Variants in USP15 observed in about 807,000 individuals in gnomAD.
The protein encoded by USP15 is ubiquitin specific peptidase 15, also known as ubiquitin carboxyl-terminal hydrolase 15.
A neutral mutation model predicts 127.1 loss-of-function variants in USP15; 18 were observed. That is an observed-to-expected ratio of 0.14 (90% CI 0.10 to 0.21). USP15 has a LOEUF of 0.21. Ranked by LOEUF, USP15 falls within the 10% of genes least tolerant of loss-of-function variation. The probability of loss-of-function intolerance (pLI) is 1.00; values close to 1 mark genes in which losing one functional copy is unlikely to be tolerated. For synonymous variants in USP15, 364 were observed against 393.7 expected, an observed-to-expected ratio of 0.92 and a Z score of 0.89; for missense variants, 805 against 1,159.9, an observed-to-expected ratio of 0.69 and a Z score of 4.44.
At chr12:62,307,466 T>C (rs971997514) in intron 3 of USP15, among the ~76,000 whole-genome samples, 4 of 152,156 alleles carry the variant, frequency 2.6e-5, no homozygotes, top group African/African-American at 9.7e-5. Flanking sequence ...AAGGCTATGT[T>C]CTGTGTGCTT....
rs185624088 is a variant in USP15, at chr12:62,312,197, G to T, written c.349-2593G>T. ...TGAAGCTAGCTCTACAAAAGAGTAA[G>T]TCAGTCTGTTAGAGGCCTGGTATTA... On this transcript the variant is annotated intron_variant, in intron 3 of 21. Transcript: ENST00000280377. 2.9e-5 allele frequency: 5 copies of T among 175,206 alleles called. No individual in the cohort carries two copies. In the East Asian group the frequency reaches 8.4e-4, roughly 30 times the overall value. The allele number at this position is 175,206 out of a possible 1,614,324, so 10.9% of individuals were successfully genotyped here. A position where few individuals can be genotyped will look rare whatever the true frequency, so the allele number is the denominator to read the frequency against.
At chr12:62,388,531 T>C (rs1369201177) in intron 11 of USP15, among the ~76,000 whole-genome samples, 1 of 152,224 alleles carries the variant, frequency 6.6e-6, no homozygotes, top group Non-Finnish European at 1.5e-5. Context: ...TCAATTGATA[T>C]TGGGCACTGT....
intron 3 of USP15, among the ~76,000 whole-genome samples, chr12:62,310,880 G>A (rs957757875): frequency 6.6e-6 from 1 of 151,830 alleles, no homozygotes; most frequent in South Asian, 2.1e-4. Flanking sequence ...CCGCATCTTC[G>A]CTAACATCTG....
intron 1 of USP15, among the ~76,000 whole-genome samples, chr12:62,269,358 G>T (rs1008984630): frequency 1.3e-5 from 2 of 150,792 alleles, no homozygotes; most frequent in Non-Finnish European, 2.9e-5. Flanking sequence ...ATATATATAT[G>T]TGTGTGTGTG....
chr12:62,274,929 C>T (rs192284981), intron 1 of USP15, among the ~76,000 whole-genome samples: 1 of 152,194 alleles, frequency 6.6e-6, no homozygotes, highest in African/African-American at 2.4e-5. Context: ...AAGCAGCTAT[C>T]ATAGTAATCT....
intron 7 of USP15, among the ~76,000 whole-genome samples, chr12:62,354,748 T>A (rs930097849): frequency 6.6e-6 from 1 of 151,962 alleles, no homozygotes; most frequent in Non-Finnish European, 1.5e-5. Context: ...TTGCGTGGAA[T>A]CATTTTTGCA....
At chr12:62,382,442 T>C (rs975998324) in intron 9 of USP15, among the ~76,000 whole-genome samples, 4 of 152,000 alleles carry the variant, frequency 2.6e-5, no homozygotes, top group African/African-American at 9.7e-5. Context: ...ATTAGCTATA[T>C]ACTAGTTCTT....
chr12:62,392,290 A>G lies in USP15; in HGVS notation c.2323A>G (p.Ser775Gly), dbSNP rs1422605496. 6.3e-7 allele frequency: 1 copy of G among 1,597,658 alleles called. No homozygotes were observed. The highest frequency in any genetic ancestry group is 1.8e-5 in the Admixed American group (1 of 55,726). ...NAAEDFEKHE[S>G]VEYKPPKKPF... Reference sequence around the variant, plus strand: ...TCTTTAGGACTTTGAAAAACATGAAAGTGTGGAGTATAAACCTCCTAAAAA... The same window carrying G: ...TCTTTAGGACTTTGAAAAACATGAAGGTGTGGAGTATAAACCTCCTAAAAA... Residue 775 changes from serine (S) to glycine (G), a missense_variant, in exon 18 of 22, where the codon AGT becomes GGT. By Grantham distance (56) the Ser-to-Gly change is moderately conservative (BLOSUM62 0). This residue lies in a region of USP15 where 225 missense variants were observed against 239.5 expected (regional missense o/e 0.94). Coordinates refer to ENST00000280377, the MANE Select transcript of USP15 (RefSeq NM_001252078.2).
chr12:62,316,763 T>C (rs1241635039), intron 4 of USP15, among the ~76,000 whole-genome samples: 1 of 152,118 alleles, frequency 6.6e-6, no homozygotes, highest in Non-Finnish European at 1.5e-5. Context: ...CAGCAACTGA[T>C]TTAATTTCTG....
intron 8 of USP15, among the ~76,000 whole-genome samples, chr12:62,374,218 C>T (rs2066757752): frequency 6.6e-6 from 1 of 151,902 alleles, no homozygotes; most frequent in Admixed American, 6.6e-5. Flanking sequence ...AAGAATGAAT[C>T]CCTTATTTTA....
In USP15 at chr12:62,413,084, A is replaced by G. The variant is rs185212475; in HGVS notation, c.*8709A>G. ...TAGCAGGCAGAAAAACACTAATCTC[A>G]TACATCTCCATAGAGCTCTTGGGTG... On this transcript the variant is annotated 3_prime_UTR_variant, in exon 22 of 22. Coordinates refer to ENST00000280377, the MANE Select transcript of USP15 (RefSeq NM_001252078.2). 1 of 152,278 alleles carries G rather than the reference A, an allele frequency of 6.6e-6. No homozygotes were observed. Among genetic ancestry groups the G allele is most frequent in the East Asian group, 1.9e-4 (1 of 5,176 alleles). The allele number at this position is 152,278 out of a possible 1,614,324, so 9.4% of individuals were successfully genotyped here.
chr12:62,278,091 T>C (rs1002769346), intron 1 of USP15, among the ~76,000 whole-genome samples: 3 of 152,190 alleles, frequency 2.0e-5, no homozygotes, highest in Non-Finnish European at 2.9e-5. Flanking sequence ...AAATTTTTTC[T>C]AATTAAAAAG....
In USP15 at chr12:62,348,015, A is replaced by T. The variant is rs895100923; in HGVS notation, c.684-1206A>T. Among the ~76,000 whole-genome samples the T allele has an allele frequency of 9.9e-5, 15 of 152,242 alleles. No homozygotes were observed. In the East Asian group the frequency reaches 2.7e-3, roughly 27 times the overall value. On this transcript the variant is annotated intron_variant, in intron 6 of 21. Coordinates refer to ENST00000280377, the MANE Select transcript of USP15 (RefSeq NM_001252078.2). The stretch of plus-strand genomic sequence containing the variant: ...CCAGGAGTTTGAGACTAGGCTGGGC[A>T]ATATGGTGAGATCTCTGTCTCTGCA...
At chr12:62,370,493 C>A (rs970611526) in intron 8 of USP15, among the ~76,000 whole-genome samples, 2 of 152,142 alleles carry the variant, frequency 1.3e-5, no homozygotes, top group Non-Finnish European at 2.9e-5. Context: ...CTGCCACTTA[C>A]AAGTTGTGTG....
intron 8 of USP15, among the ~76,000 whole-genome samples, chr12:62,362,442 C>T (rs1206720200): frequency 6.6e-6 from 1 of 152,158 alleles, no homozygotes; most frequent in African/African-American, 2.4e-5. Flanking sequence ...CACACTTACT[C>T]ATTCAATGTT....
chr12:62,302,853 C>T lies in USP15; in HGVS notation c.281C>T (p.Thr94Ile). The change falls in exon 3 of 22, where the codon ACT becomes ATT. Residue 94 changes from threonine (T) to isoleucine (I), a missense_variant. Physicochemically the swap from Thr to Ile is moderately conservative, Grantham distance 89. Coordinates refer to ENST00000280377, the MANE Select transcript of USP15 (RefSeq NM_001252078.2). Reference sequence around the variant, plus strand: ...GAATTGGATTACATACTGTTGCCAACTGAAGGTTGGAATAAACTTGTCAGC... The same window carrying T: ...GAATTGGATTACATACTGTTGCCAATTGAAGGTTGGAATAAACTTGTCAGC... ...IDELDYILLP[T>I]EGWNKLVSWY... 2 of 1,613,004 alleles carry T rather than the reference C, an allele frequency of 1.2e-6. No individual in the cohort carries two copies. The highest frequency in any genetic ancestry group is 1.7e-6 in the Non-Finnish European group (2 of 1,179,306).
chr12:62,295,877 G>A (rs1303036900), intron 2 of USP15, among the ~76,000 whole-genome samples: 1 of 152,222 alleles, frequency 6.6e-6, no homozygotes, highest in Non-Finnish European at 1.5e-5. Flanking sequence ...TCCCCTTTGA[G>A]TGTAGGTGAA....
At chr12:62,312,319 C>A in intron 3 of USP15, 1 of 340,052 alleles carries the variant, frequency 2.9e-6, no homozygotes, top group South Asian at 2.2e-5. Flanking sequence ...GGTAAAGTTT[C>A]CATGAAACTT....
In USP15 at chr12:62,291,759, A is replaced by G. The variant is rs547624611; in HGVS notation, c.90-2420A>G. On this transcript the variant is annotated intron_variant, in intron 1 of 21. Coordinates refer to ENST00000280377, the MANE Select transcript of USP15 (RefSeq NM_001252078.2). ...GTGCTTTTAGTGGCAAAGACTCTAT[A>G]TGAATTTCCTGGTTTTAGATAGCCT... is the stretch of plus-strand genomic sequence containing the variant. Among the ~76,000 whole-genome samples the G allele has an allele frequency of 7.2e-5, 11 of 152,298 alleles. No homozygotes were observed. The South Asian group carries it at 1.2e-3, about 17-fold the overall frequency.
Sources: gnomAD v4.1 joint callset for allele counts (sites outside exome capture counted in the v4.1 genomes callset) on GRCh38, gnomAD v4.1.1 for gene constraint, gnomAD v4.1.1 regional missense constraint, MANE v1.5 for transcripts, NCBI Gene and HGNC (gene_info 2026-07-23, HGNC 2026-07-21) for gene names.